Variants in MYO10 observed in about 807,000 individuals in gnomAD.
MYO10 encodes the protein unconventional myosin-X.
MYO10 carries 133 observed loss-of-function variants against 257.3 expected under a neutral mutation model. That is an observed-to-expected ratio of 0.52 (90% CI 0.45 to 0.60). The LOEUF (loss-of-function observed/expected upper bound fraction) is 0.60. MYO10 is among the 20% of genes least tolerant of loss of function. The pLI is 0.00. For missense variants in MYO10, 2,399 were observed against 2,635.7 expected (o/e 0.91, Z 1.97); for synonymous variants, 1,104 against 1,028.6 (o/e 1.07, Z -1.40).
At chr5:16,848,686 G>A (rs978138683) in intron 2 of MYO10, among the ~76,000 whole-genome samples, 3 of 151,954 alleles carry the variant, frequency 2.0e-5, no homozygotes, top group African/African-American at 4.8e-5. Flanking sequence ...ACGGATGGAC[G>A]GCAGAAGGGC....
chr5:16,779,723 T>A, intron 8 of MYO10, 75 bp from the exon 9 acceptor site: 2 of 799,244 alleles, frequency 2.5e-6, no homozygotes, highest in South Asian at 3.3e-5. Context: ...TCTGACTTTT[T>A]AAAGTATATA....
chr5:16,689,523 A>C (rs1216521672), intron 28 of MYO10, among the ~76,000 whole-genome samples: 2 of 152,016 alleles, frequency 1.3e-5, no homozygotes, highest in African/African-American at 2.4e-5. Flanking sequence ...AGCTTCATGC[A>C]GCTGTATAAT....
chr5:16,929,426 G>A (rs957154973), intron 1 of MYO10, among the ~76,000 whole-genome samples: 3 of 152,134 alleles, frequency 2.0e-5, no homozygotes, highest in African/African-American at 4.8e-5. Flanking sequence ...GATGACGCAA[G>A]TTTAAGGCAA....
In MYO10 at chr5:16,672,828, GGAA is replaced by G. The variant is rs1561168548; in HGVS notation, c.5173-6_5173-4del. 6.2e-7 allele frequency: 1 copy of G among 1,612,258 alleles called. No individual in the cohort carries two copies. Among genetic ancestry groups the G allele is most frequent in the Non-Finnish European group, 8.5e-7 (1 of 1,179,150 alleles). On this transcript the variant is annotated splice_region_variant and splice_polypyrimidine_tract_variant and intron_variant, in intron 36 of 40. Transcript: ENST00000513610. Reference sequence around the variant, plus strand: ...CCTCGGATCAGCTTCTCCACCACCTGGAAGACACACCAGGGGGACTTCAGTTCC... The same window carrying G: ...CCTCGGATCAGCTTCTCCACCACCTGGACACACCAGGGGGACTTCAGTTCC...
chr5:16,813,305 A>G (rs1417091807), intron 3 of MYO10, among the ~76,000 whole-genome samples: 1 of 152,180 alleles, frequency 6.6e-6, no homozygotes, highest in East Asian at 1.9e-4. Flanking sequence ...GGATCACTTG[A>G]GCCCAGGAGT....
chr5:16,738,699 T>G (rs112541831), intron 19 of MYO10, among the ~76,000 whole-genome samples: 2,529 of 152,078 alleles, frequency 0.017, 76 homozygotes, highest in African/African-American at 0.058. Context: ...GAAACCAGCC[T>G]GGCCAACATG....
chr5:16,794,630 CTG>C lies in MYO10; in HGVS notation c.467+14_467+15del. 3 of 1,595,264 alleles carry C rather than the reference CTG, an allele frequency of 1.9e-6. No homozygotes were observed. Among genetic ancestry groups the C allele is most frequent in the Non-Finnish European group, 2.6e-6 (3 of 1,170,226 alleles). On this transcript the variant is annotated intron_variant, in intron 4 of 40. Coordinates refer to ENST00000513610, the MANE Select transcript of MYO10 (RefSeq NM_012334.3). ...CTGGGCCATGGGAAAGTCCGACTGGCTGTGAGCCCCGTTACCTGATGAGGATG... is the reference window on the plus strand; with the variant it reads ...CTGGGCCATGGGAAAGTCCGACTGGCTGAGCCCCGTTACCTGATGAGGATG...
intron 4 of MYO10, among the ~76,000 whole-genome samples, chr5:16,787,636 T>C (rs1419092759): frequency 7.3e-6 from 1 of 137,696 alleles, no homozygotes; most frequent in Non-Finnish European, 1.6e-5. Flanking sequence ...AAAAAAAAAC[T>C]TTCTAACTAT....
intron 2 of MYO10, among the ~76,000 whole-genome samples, chr5:16,824,250 T>C (rs1268026277): frequency 6.6e-6 from 1 of 151,982 alleles, no homozygotes; most frequent in Non-Finnish European, 1.5e-5. Flanking sequence ...AGCATCTTCC[T>C]CTCACACTAG....
intron 3 of MYO10, among the ~76,000 whole-genome samples, chr5:16,809,753 C>T (rs1387832572): frequency 6.6e-6 from 1 of 152,172 alleles, no homozygotes; most frequent in Non-Finnish European, 1.5e-5. Flanking sequence ...AGAAACAGCC[C>T]CATTTCTTAA....
At chr5:16,909,505 CAAA>C (rs36053061) in intron 1 of MYO10, among the ~76,000 whole-genome samples, 10 of 107,574 alleles carry the variant, frequency 9.3e-5, no homozygotes, top group Admixed American at 9.8e-5. Flanking sequence ...AACTCCAACT[CAAA>C]AAAAAAAAAA....
chr5:16,694,338 C>A (rs1373052626), intron 27 of MYO10, 33 bp downstream of exon 27: 5 of 1,612,624 alleles, frequency 3.1e-6, no homozygotes, highest in Non-Finnish European at 4.2e-6. Flanking sequence ...CCATGAGCAA[C>A]CCATCGGGCC....
At chr5:16,726,653 T>C (rs771915272) in intron 19 of MYO10, among the ~76,000 whole-genome samples, 3 of 152,208 alleles carry the variant, frequency 2.0e-5, no homozygotes, top group Admixed American at 6.5e-5. Flanking sequence ...GTTCCTGTAG[T>C]TCCAACGTAT....
At chr5:16,855,989 A>G (rs1743948887) in intron 2 of MYO10, among the ~76,000 whole-genome samples, 1 of 152,248 alleles carries the variant, frequency 6.6e-6, no homozygotes, top group South Asian at 2.1e-4. Context: ...AGCCAGATGA[A>G]CGACGGACTT....
At chr5:16,891,154 T>C (rs1745037586) in intron 1 of MYO10, among the ~76,000 whole-genome samples, 1 of 151,540 alleles carries the variant, frequency 6.6e-6, no homozygotes, top group Non-Finnish European at 1.5e-5. Context: ...CCAGGCGCGG[T>C]AGCAGGTGCC....
chr5:16,766,134 C>T lies in MYO10; in HGVS notation c.1125G>A (p.Gln375=). 3.1e-6 allele frequency: 5 copies of T among 1,613,914 alleles called. No homozygotes were observed. The highest frequency in any genetic ancestry group is 3.4e-6 in the Non-Finnish European group (4 of 1,179,844). ...DPTQLTDALT[Q]RSMFLRGEEI... Reference sequence around the variant, plus strand: ...CTTCTCCCCTGAGGAACATTGATCTCTGGGTCAAAGCATCTGTGAGCTGTG... The same window carrying T: ...CTTCTCCCCTGAGGAACATTGATCTTTGGGTCAAAGCATCTGTGAGCTGTG... The change falls in exon 11 of 41, where the codon CAG becomes CAA. Residue 375 remains glutamine, a synonymous_variant. Coordinates refer to ENST00000513610, the MANE Select transcript of MYO10 (RefSeq NM_012334.3).
At chr5:16,913,015 C>G (rs1324788428) in intron 1 of MYO10, among the ~76,000 whole-genome samples, 3 of 148,738 alleles carry the variant, frequency 2.0e-5, no homozygotes, top group African/African-American at 4.9e-5. Context: ...CCAATTCTAT[C>G]TTCCCTTTGG....
At chr5:16,874,415 C>T (rs1447499086) in intron 2 of MYO10, among the ~76,000 whole-genome samples, 2 of 146,098 alleles carry the variant, frequency 1.4e-5, no homozygotes, top group African/African-American at 5.0e-5. Context: ...ATGCTCGCTT[C>T]CCTTATAAAA....
intron 1 of MYO10, among the ~76,000 whole-genome samples, chr5:16,881,601 C>T (rs1744756141): frequency 6.6e-6 from 1 of 152,158 alleles, no homozygotes; most frequent in African/African-American, 2.4e-5. Context: ...TTCAAAACAC[C>T]CCCTTTGTTC....
Sources: gnomAD v4.1 joint callset for allele counts (sites outside exome capture counted in the v4.1 genomes callset) on GRCh38, gnomAD v4.1.1 for gene constraint, MANE v1.5 for transcripts, NCBI Gene and HGNC (gene_info 2026-07-23, HGNC 2026-07-21) for gene names.